The following ANO3 variants were observed in gnomAD, a reference collection of about 807,000 sequenced individuals.
The protein encoded by ANO3 is anoctamin 3, also known as anoctamin-3.
A neutral mutation model predicts 144.8 loss-of-function variants in ANO3; 99 were observed. The ratio of observed to expected loss-of-function variants is 0.68; its 90% confidence interval spans 0.58 to 0.81. The LOEUF (loss-of-function observed/expected upper bound fraction) is 0.81. Ranked by LOEUF, ANO3 falls within the 30% of genes least tolerant of loss-of-function variation. ANO3 has a pLI of 0.00. For missense variants in ANO3, 905 were observed against 1,202.2 expected (o/e 0.75, Z 3.66); for synonymous variants, 414 against 392.6 (o/e 1.05, Z -0.64).
intron 1 of ANO3, among the ~76,000 whole-genome samples, chr11:26,367,075 T>A (rs1819763735): frequency 6.6e-6 from 1 of 152,144 alleles, no homozygotes; most frequent in South Asian, 2.1e-4. Context: ...TGAAACTGGA[T>A]CCCTTCCTTA....
intron 1 of ANO3, among the ~76,000 whole-genome samples, chr11:26,249,674 T>C (rs1430411103): frequency 6.6e-6 from 1 of 152,102 alleles, no homozygotes; most frequent in Non-Finnish European, 1.5e-5. Flanking sequence ...ACTCTGTTTA[T>C]AAATTTGTAC....
intron 5 of ANO3, among the ~76,000 whole-genome samples, chr11:26,512,667 T>G (rs1861711299): frequency 6.6e-6 from 1 of 152,210 alleles, no homozygotes. Flanking sequence ...TAGTTTGACA[T>G]TTTACTCATT....
At chr11:26,607,536 T>A (rs1411273140) in intron 17 of ANO3, among the ~76,000 whole-genome samples, 1 of 152,184 alleles carries the variant, frequency 6.6e-6, no homozygotes, top group African/African-American at 2.4e-5. Flanking sequence ...TTTTCTCTAG[T>A]CTTGTCTGCA....
At chr11:26,444,745 C>G (rs1858645182) in intron 3 of ANO3, among the ~76,000 whole-genome samples, 1 of 152,122 alleles carries the variant, frequency 6.6e-6, no homozygotes, top group South Asian at 2.1e-4. Flanking sequence ...ATTGTTAAAT[C>G]ACTCGTCATA....
intron 1 of ANO3, among the ~76,000 whole-genome samples, chr11:26,290,633 G>A (rs1045912575): frequency 2.6e-5 from 4 of 152,190 alleles, no homozygotes; most frequent in African/African-American, 7.2e-5. Context: ...TGGTTTCAAA[G>A]AACATCTTTA....
Position 26,537,300 on chromosome 11 carries a change from T to C in ANO3, c.977-106T>C, listed in dbSNP as rs373960586. 431 of 926,930 alleles carry C rather than the reference T, an allele frequency of 4.6e-4. No individual in the cohort carries two copies. In the African/African-American group the frequency reaches 6.3e-3, roughly 14 times the overall value. The allele number at this position is 926,930 out of a possible 1,614,324, so 57.4% of individuals were successfully genotyped here. ...GTGGCTATGGAAGTCATTTGGGTTA[T>C]CTTAAACTTTTTAATCGATTCATTG... On this transcript the variant is annotated intron_variant, in intron 9 of 26. Coordinates refer to ENST00000256737, the MANE Select transcript of ANO3 (RefSeq NM_031418.4).
intron 1 of ANO3, among the ~76,000 whole-genome samples, chr11:26,254,462 GTAT>G (rs1405673490): frequency 1.3e-5 from 2 of 152,178 alleles, no homozygotes; most frequent in East Asian, 3.9e-4. Context: ...TTATTTAAAA[GTAT>G]TATCCACATT....
chr11:26,492,344 T>G (rs1277109725), intron 4 of ANO3, among the ~76,000 whole-genome samples: 1 of 152,236 alleles, frequency 6.6e-6, no homozygotes. Flanking sequence ...TATTTTTGCA[T>G]GTTCCTAATC....
chr11:26,401,376 C>T (rs1224170440), intron 1 of ANO3, among the ~76,000 whole-genome samples: 1 of 152,002 alleles, frequency 6.6e-6, no homozygotes, highest in Non-Finnish European at 1.5e-5. Flanking sequence ...TGTGAGAATG[C>T]TCCTGCTAGA....
chr11:26,516,892 G>A lies in ANO3; in HGVS notation c.657G>A (p.Lys219=), dbSNP rs1189892661. ...ACATTCCATGGGACACGCTGTGCAA[G>A]TATGCAGAGAGGCTGAATATCAGGA... ...KIHIPWDTLC[K]YAERLNIRMP... is the part of the protein sequence containing the mutation. Residue 219 remains lysine, a synonymous_variant, in exon 6 of 27, where the codon AAG becomes AAA. Transcript: ENST00000256737. The A allele has an allele frequency of 4.3e-6, 7 of 1,611,146 alleles. No individual in the cohort carries two copies. Among genetic ancestry groups the A allele is most frequent in the Non-Finnish European group, 5.1e-6 (6 of 1,177,938 alleles).
chr11:26,248,586 CAACTTT>C (rs1852852242), intron 1 of ANO3, among the ~76,000 whole-genome samples: 1 of 152,100 alleles, frequency 6.6e-6, no homozygotes, highest in South Asian at 2.1e-4. Flanking sequence ...GGAATCTTTT[CAACTTT>C]ATCTTTTTAA....
At chr11:26,420,833 G>A (rs1011693990) in intron 1 of ANO3, among the ~76,000 whole-genome samples, 4 of 151,872 alleles carry the variant, frequency 2.6e-5, no homozygotes, top group African/African-American at 9.7e-5. Context: ...TTAACCATCT[G>A]TATTCTACCA....
chr11:26,352,407 G>T (rs939677196), intron 1 of ANO3, among the ~76,000 whole-genome samples: 216 of 152,122 alleles, frequency 1.4e-3, no homozygotes, highest in African/African-American at 4.8e-3. Context: ...ATTTTGTAGG[G>T]TCTAGATTCT....
At chr11:26,320,746 CTTGA>C (rs1040235633) in intron 1 of ANO3, among the ~76,000 whole-genome samples, 2 of 151,834 alleles carry the variant, frequency 1.3e-5, no homozygotes, top group African/African-American at 4.8e-5. Flanking sequence ...GAAATTTTAC[CTTGA>C]TTAATATTAA....
At chr11:26,203,553 A>T (rs1851738349) in intron 1 of ANO3, among the ~76,000 whole-genome samples, 1 of 152,134 alleles carries the variant, frequency 6.6e-6, no homozygotes. Flanking sequence ...CTTGGGCTAT[A>T]GTCATTGATT....
chr11:26,192,273 T>C (rs1851492903), intron 1 of ANO3, among the ~76,000 whole-genome samples: 1 of 152,206 alleles, frequency 6.6e-6, no homozygotes, highest in Non-Finnish European at 1.5e-5. Flanking sequence ...GAGTCAAGTT[T>C]TATTTATTCA....
intron 1 of ANO3, among the ~76,000 whole-genome samples, chr11:26,204,479 G>T (rs1425256457): frequency 6.6e-6 from 1 of 152,026 alleles, no homozygotes; most frequent in South Asian, 2.1e-4. Flanking sequence ...CTATGCTATG[G>T]GAACTCCAGG....
Position 26,662,266 on chromosome 11 carries a change from G to C in ANO3, c.*1822G>C, listed in dbSNP as rs4543935. 1 of 151,622 alleles carries C rather than the reference G, an allele frequency of 6.6e-6. No individual in the cohort carries two copies. Among genetic ancestry groups the C allele is most frequent in the African/African-American group, 2.4e-5 (1 of 41,238 alleles). The allele number at this position is 151,622 out of a possible 1,614,324, so 9.4% of individuals were successfully genotyped here. A position where few individuals can be genotyped will look rare whatever the true frequency, so the allele number is the denominator to read the frequency against. On this transcript the variant is annotated 3_prime_UTR_variant, in exon 27 of 27. Coordinates refer to ENST00000256737, the MANE Select transcript of ANO3 (RefSeq NM_031418.4). The stretch of plus-strand genomic sequence containing the variant: ...AGACTCTGAACTTCCCTCAAGTGCC[G>C]TTGTTATGTGAAACTCTTCCATTCA...
chr11:26,447,084 G>T (rs536277912), intron 3 of ANO3, among the ~76,000 whole-genome samples: 1 of 151,790 alleles, frequency 6.6e-6, no homozygotes, highest in South Asian at 2.1e-4. Flanking sequence ...TGGCACGACT[G>T]TAGTCCCAGC....
Sources: gnomAD v4.1 joint callset for allele counts (sites outside exome capture counted in the v4.1 genomes callset) on GRCh38, gnomAD v4.1.1 for gene constraint, MANE v1.5 for transcripts, NCBI Gene and HGNC (gene_info 2026-07-23, HGNC 2026-07-21) for gene names.